The following LRMDA variants were observed in gnomAD, a reference collection of about 807,000 sequenced individuals.
LRMDA encodes leucine rich melanocyte differentiation associated.
LRMDA carries 18 observed loss-of-function variants against 29.8 expected under a neutral mutation model. The ratio of observed to expected loss-of-function variants is 0.60; its 90% confidence interval spans 0.42 to 0.90. The LOEUF (loss-of-function observed/expected upper bound fraction) is 0.90, where lower values mean the gene tolerates loss of function less well. Among genes scored for constraint, LRMDA ranks in the 40% least tolerant of loss-of-function variants. The probability of loss-of-function intolerance (pLI) is 0.00; values close to 1 mark genes in which losing one functional copy is unlikely to be tolerated. For synonymous variants in LRMDA, 125 were observed against 109.4 expected, an observed-to-expected ratio of 1.14 and a Z score of -0.89; for missense variants, 273 against 273.9, an observed-to-expected ratio of 1.00 and a Z score of 0.02.
At chr10:75,918,800 G>A (rs958559228) in intron 2 of LRMDA, among the ~76,000 whole-genome samples, 1 of 152,136 alleles carries the variant, frequency 6.6e-6, no homozygotes, top group African/African-American at 2.4e-5. Flanking sequence ...AGGCCTTCAT[G>A]GGAACCTGCC....
intron 5 of LRMDA, among the ~76,000 whole-genome samples, chr10:76,147,394 T>C (rs1325356640): frequency 6.6e-6 from 1 of 152,126 alleles, no homozygotes; most frequent in African/African-American, 2.4e-5. Flanking sequence ...CTTTTTATTC[T>C]TTTTTCTCTA....
At chr10:76,084,314 C>T (rs1244842755) in intron 5 of LRMDA, among the ~76,000 whole-genome samples, 2 of 151,238 alleles carry the variant, frequency 1.3e-5, no homozygotes, top group African/African-American at 4.9e-5. Context: ...TCTCCTGCCT[C>T]AGCCTCCCAG....
intron 2 of LRMDA, among the ~76,000 whole-genome samples, chr10:75,556,843 A>G (rs1840220761): frequency 6.6e-6 from 1 of 151,766 alleles, no homozygotes. Flanking sequence ...GTAATACTAG[A>G]ATAGTTCCTA....
At chr10:75,593,160 G>T (rs1416174196) in intron 2 of LRMDA, among the ~76,000 whole-genome samples, 3 of 152,108 alleles carry the variant, frequency 2.0e-5, no homozygotes, top group Admixed American at 6.6e-5. Flanking sequence ...CCATCCCAAC[G>T]TTGGATAATT....
intron 2 of LRMDA, among the ~76,000 whole-genome samples, chr10:75,822,266 A>G (rs1285002356): frequency 6.6e-6 from 1 of 152,176 alleles, no homozygotes; most frequent in Non-Finnish European, 1.5e-5. Flanking sequence ...AAGGAGGTGA[A>G]ATATCTCCAC....
intron 5 of LRMDA, among the ~76,000 whole-genome samples, chr10:76,301,973 T>A (rs1426914525): frequency 2.0e-5 from 3 of 152,224 alleles, no homozygotes; most frequent in Non-Finnish European, 4.4e-5. Flanking sequence ...TAGCAAGTTG[T>A]TTGCTTAAAA....
chr10:75,582,550 C>A (rs994698327), intron 2 of LRMDA, among the ~76,000 whole-genome samples: 2 of 152,318 alleles, frequency 1.3e-5, no homozygotes, highest in Admixed American at 1.3e-4. Context: ...GCATGGCCCA[C>A]GAAACTATTC....
chr10:76,507,924 AGTGTAAT>A (rs1169009018), intron 6 of LRMDA, among the ~76,000 whole-genome samples: 1 of 152,174 alleles, frequency 6.6e-6, no homozygotes, highest in Non-Finnish European at 1.5e-5. Context: ...CAAATCAGGC[AGTGTAAT>A]GCCTCCAGCT....
chr10:76,294,634 T>C (rs1001575387), intron 5 of LRMDA, among the ~76,000 whole-genome samples: 2 of 152,218 alleles, frequency 1.3e-5, no homozygotes, highest in Non-Finnish European at 1.5e-5. Flanking sequence ...TTTTAGATCA[T>C]GGTTCCAAGT....
chr10:75,681,743 T>G, intron 2 of LRMDA, among the ~76,000 whole-genome samples: 1 of 152,226 alleles, frequency 6.6e-6, no homozygotes, highest in East Asian at 1.9e-4. Flanking sequence ...GGAGGTAAAC[T>G]CTGCCCACAG....
chr10:75,597,298 T>C, intron 2 of LRMDA, among the ~76,000 whole-genome samples: 1 of 152,218 alleles, frequency 6.6e-6, no homozygotes. Flanking sequence ...AAAAGTGGTC[T>C]GGGAGGTGGG....
intron 5 of LRMDA, among the ~76,000 whole-genome samples, chr10:76,100,618 A>G (rs964262733): frequency 2.8e-4 from 42 of 152,232 alleles, no homozygotes; most frequent in African/African-American, 9.6e-4. Context: ...GTCCAGGTCT[A>G]GGATCACTTA....
At chr10:76,412,187 G>A (rs1478404424) in intron 6 of LRMDA, among the ~76,000 whole-genome samples, 1 of 152,188 alleles carries the variant, frequency 6.6e-6, no homozygotes, top group Admixed American at 6.5e-5. Flanking sequence ...TTATTTTGGA[G>A]GAATGGTTAA....
intron 6 of LRMDA, among the ~76,000 whole-genome samples, chr10:76,375,694 T>TATG (rs1403624555): frequency 6.7e-6 from 1 of 150,182 alleles, no homozygotes; most frequent in Non-Finnish European, 1.5e-5. Context: ...ATGTTACTAG[T>TATG]AAGTAAACTT....
chr10:75,845,788 G>C (rs1844624349), intron 2 of LRMDA, among the ~76,000 whole-genome samples: 1 of 152,134 alleles, frequency 6.6e-6, no homozygotes. Context: ...ATAGAGAGGA[G>C]AAAAAACAGG....
chr10:76,375,220 A>G (rs1841501698), intron 6 of LRMDA, among the ~76,000 whole-genome samples: 1 of 152,212 alleles, frequency 6.6e-6, no homozygotes, highest in Admixed American at 6.5e-5. Context: ...AGAAAAGGAC[A>G]ACTGACTATA....
chr10:76,552,844 T>A (rs1843511730), intron 6 of LRMDA, among the ~76,000 whole-genome samples: 1 of 152,194 alleles, frequency 6.6e-6, no homozygotes, highest in African/African-American at 2.4e-5. Context: ...TTCCCTGGAC[T>A]GGGCTCTCAG....
intron 5 of LRMDA, among the ~76,000 whole-genome samples, chr10:76,294,927 A>T (rs1840393600): frequency 6.6e-6 from 1 of 152,200 alleles, no homozygotes; most frequent in Admixed American, 6.5e-5. Flanking sequence ...TTCACCCATC[A>T]TCTAGAGGAC....
At chr10:75,703,796 A>G (rs1842335806) in intron 2 of LRMDA, among the ~76,000 whole-genome samples, 1 of 152,248 alleles carries the variant, frequency 6.6e-6, no homozygotes, top group Non-Finnish European at 1.5e-5. Flanking sequence ...GTCAGAATAA[A>G]ATAGGGCCAT....
Sources: allele counts gnomAD v4.1 joint callset (sites outside exome capture counted in the v4.1 genomes callset), GRCh38; gene constraint gnomAD v4.1.1; transcripts MANE v1.5; gene names NCBI Gene and HGNC (gene_info 2026-07-23, HGNC 2026-07-21).